CDKN2B-AS1: variants seen among roughly 807,000 people sequenced by gnomAD.
CDKN2B-AS1 encodes CDKN2B and CDKN2A antisense cis and trans regulatory RNA 1.
chr9:22,047,302 C>T (rs1229683157), intron 2 of CDKN2B-AS1, among the ~76,000 whole-genome samples: 1 of 152,160 alleles, frequency 6.6e-6, no homozygotes, highest in Admixed American at 6.5e-5. Context: ...TTATTTGCAT[C>T]CATTTATATG....
In CDKN2B-AS1 at chr9:21,997,401, T is replaced by C. The variant is rs990062660; in HGVS notation, n.29+2240T>C. 6.6e-6 allele frequency among the ~76,000 whole-genome samples: 1 copy of C among 152,102 alleles called. No individual in the cohort carries two copies. Among genetic ancestry groups the C allele is most frequent in the African/African-American group, 2.4e-5 (1 of 41,396 alleles). On this transcript the variant is annotated intron_variant and non_coding_transcript_variant, in intron 1 of 4. Coordinates refer to ENST00000650946, the Ensembl canonical transcript of CDKN2B-AS1. This position sits in a 1 kb window ranked among gnomAD's most constrained non-coding sequence, Gnocchi z 4.8. ...GAAGCATCGTTATCCAGCACATGAC[T>C]CTGTGTGTGTATACAATTTTATATA...
At chr9:22,079,269 A>C (rs890617855) in intron 4 of CDKN2B-AS1, among the ~76,000 whole-genome samples, 11 of 152,322 alleles carry the variant, frequency 7.2e-5, no homozygotes, top group African/African-American at 2.4e-4. Flanking sequence ...GGATCACCTG[A>C]GGTCAGGAGT....
intron 3 of CDKN2B-AS1, among the ~76,000 whole-genome samples, chr9:22,049,439 G>T (rs1490936209): frequency 1.3e-5 from 2 of 151,482 alleles, no homozygotes; most frequent in African/African-American, 4.9e-5. Flanking sequence ...AGTCCGAAAG[G>T]TGCTTTCCTT....
intron 1 of CDKN2B-AS1, chr9:22,004,504 C>G (rs1266391374): frequency 4.3e-6 from 1 of 232,518 alleles, no homozygotes; most frequent in East Asian, 6.1e-5. Context: ...TAACATTTCT[C>G]AGGAGTTAGT....
intron 4 of CDKN2B-AS1, among the ~76,000 whole-genome samples, chr9:22,113,270 C>A (rs954446739): frequency 6.6e-6 from 1 of 152,166 alleles, no homozygotes; most frequent in African/African-American, 2.4e-5. Flanking sequence ...CCTTATCAAG[C>A]CATCCATATG....
chr9:22,103,178 T>G (rs1488808483), intron 4 of CDKN2B-AS1, among the ~76,000 whole-genome samples: 2 of 127,544 alleles, frequency 1.6e-5, no homozygotes, highest in Non-Finnish European at 3.5e-5. Context: ...TGTGTGTGTG[T>G]GGTGCGTGAA....
In CDKN2B-AS1 at chr9:22,052,836, G is replaced by A. The variant is rs181806312; in HGVS notation, n.303-3416G>A. ...GGGGGGTTCCCCCTCCCAGGTTCTT[G>A]TATGAGCAACTAAATCTACACACCA... On this transcript the variant is annotated intron_variant and non_coding_transcript_variant, in intron 3 of 4. Transcript: ENST00000650946. Among the ~76,000 whole-genome samples the A allele has an allele frequency of 9.2e-5, 14 of 152,184 alleles. No individual in the cohort carries two copies. The East Asian group carries it at 1.7e-3, about 19-fold the overall frequency.
At chr9:22,037,827 C>T (rs1350847000) in intron 1 of CDKN2B-AS1, among the ~76,000 whole-genome samples, 1 of 151,886 alleles carries the variant, frequency 6.6e-6, no homozygotes, top group Non-Finnish European at 1.5e-5. Flanking sequence ...ACACATTAAG[C>T]TTTTATTCAA....
chr9:22,108,112 G>A (rs180997057), intron 4 of CDKN2B-AS1, among the ~76,000 whole-genome samples: 9 of 152,246 alleles, frequency 5.9e-5, no homozygotes, highest in Admixed American at 3.9e-4. Flanking sequence ...TTATATATTA[G>A]TTTGGGCCTT....
intron 4 of CDKN2B-AS1, among the ~76,000 whole-genome samples, chr9:22,098,184 T>TGTGC (rs1219817287): frequency 2.6e-5 from 4 of 151,802 alleles, no homozygotes; most frequent in African/African-American, 9.7e-5. Context: ...TGTGTGTGTG[T>TGTGC]GTATTTATAT....
At chr9:22,127,468 C>T (rs1477385025) in exon 5 of CDKN2B-AS1, among the ~76,000 whole-genome samples, 2 of 152,208 alleles carry the variant, frequency 1.3e-5, no homozygotes, top group Non-Finnish European at 2.9e-5. Context: ...TAAATTGCTT[C>T]CCTTTCTCAC....
chr9:21,995,565 C>T lies in CDKN2B-AS1; in HGVS notation n.29+404C>T, dbSNP rs936501454. ...CCTCCTCCCCTTTTCTTCCACATCA[C>T]CGATCCTTTCTGGACTCTCTCCCTT... is the stretch of plus-strand genomic sequence containing the variant. On this transcript the variant is annotated intron_variant and non_coding_transcript_variant, in intron 1 of 4. Coordinates refer to ENST00000650946, the Ensembl canonical transcript of CDKN2B-AS1. The surrounding 1 kb of genome is among the most constrained non-coding windows in gnomAD (Gnocchi z 5.7). 6.5e-6 allele frequency: 1 copy of T among 152,750 alleles called. No individual in the cohort carries two copies. The highest frequency in any genetic ancestry group is 1.5e-5 in the Non-Finnish European group (1 of 68,344). The allele number at this position is 152,750 out of a possible 1,614,324, so 9.5% of individuals were successfully genotyped here.
intron 1 of CDKN2B-AS1, chr9:22,008,617 A>G: frequency 1.3e-6 from 2 of 1,557,504 alleles, no homozygotes; most frequent in Non-Finnish European, 1.7e-6. Context: ...GGGTTTTTCA[A>G]TGTCTCTCTT....
chr9:22,053,969 AG>A (rs1322668364), intron 3 of CDKN2B-AS1, among the ~76,000 whole-genome samples: 1 of 148,714 alleles, frequency 6.7e-6, no homozygotes, highest in Non-Finnish European at 1.5e-5. Flanking sequence ...AAAAAAAAAA[AG>A]TTAACTCATA....
chr9:22,083,472 TC>T lies in CDKN2B-AS1; in HGVS notation n.438+27088del, dbSNP rs1296795202. ...TAAGAAGGTATACTACAACAGTGGC[TC>T]CCAAATCTCAATGAGTAGCCAGTTC... On this transcript the variant is annotated intron_variant and non_coding_transcript_variant, in intron 4 of 4. Transcript: ENST00000650946. Among the ~76,000 whole-genome samples, 6 of 152,216 alleles carry T rather than the reference TC, an allele frequency of 3.9e-5. No homozygotes were observed. The South Asian group carries it at 1.2e-3, about 32-fold the overall frequency.
In CDKN2B-AS1 at chr9:21,999,445, T is replaced by G. The variant is rs1490397768; in HGVS notation, n.29+4284T>G. Among the ~76,000 whole-genome samples the G allele has an allele frequency of 6.6e-6, 1 of 151,960 alleles. No homozygotes were observed. The highest frequency in any genetic ancestry group is 1.5e-5 in the Non-Finnish European group (1 of 67,942). On this transcript the variant is annotated intron_variant and non_coding_transcript_variant, in intron 1 of 4. Coordinates refer to ENST00000650946, the Ensembl canonical transcript of CDKN2B-AS1. The surrounding 1 kb of genome is among the most constrained non-coding windows in gnomAD (Gnocchi z 4.7). Reference sequence around the variant, plus strand: ...TAATACATATCTTTATATACACATATGTACACACATATCTGTAAGTATGGG... The same window carrying G: ...TAATACATATCTTTATATACACATAGGTACACACATATCTGTAAGTATGGG...
intron 1 of CDKN2B-AS1, among the ~76,000 whole-genome samples, chr9:22,027,970 A>C (rs1822309817): frequency 6.6e-6 from 1 of 152,194 alleles, no homozygotes; most frequent in African/African-American, 2.4e-5. Flanking sequence ...TAAAACATAC[A>C]AGATCTGGCT....
chr9:22,034,509 C>G (rs375885937), intron 1 of CDKN2B-AS1, among the ~76,000 whole-genome samples: 2 of 152,134 alleles, frequency 1.3e-5, no homozygotes, highest in African/African-American at 4.8e-5. Flanking sequence ...TATTCTGAAA[C>G]GCAACTATTC....
intron 1 of CDKN2B-AS1, chr9:22,004,024 A>C (rs1184526762): frequency 2.6e-5 from 6 of 232,672 alleles, no homozygotes; most frequent in Non-Finnish European, 5.1e-5. Flanking sequence ...AATATCTTGT[A>C]ACCTTTGGCA....
Sources: gnomAD v4.1 joint callset for allele counts (sites outside exome capture counted in the v4.1 genomes callset) on GRCh38, gnomAD v4.1.1 for gene constraint, Gnocchi (gnomAD v3.1) non-coding constraint, MANE v1.5 for transcripts, NCBI Gene and HGNC (gene_info 2026-07-23, HGNC 2026-07-21) for gene names.